The following INSL6 variants were observed in gnomAD, a reference collection of about 807,000 sequenced individuals.
The protein encoded by INSL6 is insulin-like peptide INSL6.
Under a neutral mutation model 9.4 loss-of-function variants are expected in INSL6, and 16 were observed. That is an observed-to-expected ratio of 1.70 (90% CI 1.15 to 2.59). The LOEUF is 2.59. Among genes scored for constraint, INSL6 ranks in the 30% most tolerant of loss-of-function variants. INSL6 has a pLI of 0.00. For synonymous variants in INSL6, 154 were observed against 96.9 expected (o/e 1.59, Z -3.46); for missense variants, 391 against 257.3 (o/e 1.52, Z -3.56).
the INSL6 span, among the ~76,000 whole-genome samples, chr9:5,103,464 T>C: frequency 9.9e-5 from 15 of 151,814 alleles, no homozygotes. Flanking sequence ...TCCCACACAA[T>C]AATAATGGGA....
the INSL6 span, chr9:5,089,948 C>G: frequency 3.3e-6 from 3 of 920,986 alleles, no homozygotes; most frequent in Non-Finnish European, 4.4e-6. Flanking sequence ...TCTTAACGAT[C>G]TGGACTTATG....
chr9:5,042,760 G>A, the INSL6 span, among the ~76,000 whole-genome samples: 1 of 152,214 alleles, frequency 6.6e-6, no homozygotes, highest in Non-Finnish European at 1.5e-5. Context: ...TGCCAGGGGT[G>A]AGGCTGTGCC....
chr9:5,068,876 C>G, the INSL6 span: 1 of 489,014 alleles, frequency 2.0e-6, no homozygotes, highest in Non-Finnish European at 3.6e-6. Flanking sequence ...GAACTAAGTA[C>G]TTCTATCACT....
the INSL6 span, among the ~76,000 whole-genome samples, chr9:5,042,341 G>T: frequency 6.6e-6 from 1 of 151,326 alleles, no homozygotes; most frequent in Non-Finnish European, 1.5e-5. Context: ...GTTTCACCTT[G>T]TTAGCCAGGA....
chr9:5,142,422 C>A (rs1424743477), intron 2 of INSL6, among the ~76,000 whole-genome samples: 2 of 152,048 alleles, frequency 1.3e-5, no homozygotes, highest in African/African-American at 4.8e-5. Flanking sequence ...TTACAGAGAT[C>A]TTTCATTTTC....
At chr9:5,046,173 C>G in the INSL6 span, among the ~76,000 whole-genome samples, 1 of 152,126 alleles carries the variant, frequency 6.6e-6, no homozygotes, top group African/African-American at 2.4e-5. Flanking sequence ...ATCTGTTTAT[C>G]TTCTTTGCAG....
At chr9:5,069,263 C>T in the INSL6 span, 9 of 1,178,012 alleles carry the variant, frequency 7.6e-6, no homozygotes, top group Middle Eastern at 2.2e-4. Context: ...GTTTATGTGG[C>T]GTGAAGTATC....
At chr9:5,072,650 C>A in the INSL6 span, 2 of 1,539,672 alleles carry the variant, frequency 1.3e-6, no homozygotes, top group Non-Finnish European at 1.8e-6. Context: ...TTATATTGTT[C>A]ATGTAGTTTA....
downstream of INSL6, chr9:5,123,178 A>G: frequency 1.7e-6 from 2 of 1,195,228 alleles, no homozygotes. Context: ...ATTTTTATAA[A>G]TTTATGGGGT....
the INSL6 span, chr9:5,098,521 T>C: frequency 2.6e-5 from 4 of 152,142 alleles, no homozygotes; most frequent in African/African-American, 9.7e-5. Context: ...GCCCAAGAAA[T>C]TGAGACTGTT....
chr9:5,122,747 G>C (rs1851027472), downstream of INSL6, among the ~76,000 whole-genome samples: 2 of 151,946 alleles, frequency 1.3e-5, no homozygotes, highest in South Asian at 4.1e-4. Flanking sequence ...GTAGATGTCA[G>C]CATAAACCGT....
the INSL6 span, among the ~76,000 whole-genome samples, chr9:5,116,221 T>C: frequency 6.6e-5 from 10 of 152,200 alleles, no homozygotes; most frequent in Admixed American, 4.6e-4. Flanking sequence ...CAAGGTGGCA[T>C]GACTAGTAAA....
downstream of INSL6, among the ~76,000 whole-genome samples, chr9:5,161,916 A>G (rs923620491): frequency 2.0e-5 from 3 of 151,966 alleles, no homozygotes; most frequent in African/African-American, 7.2e-5. Context: ...CTCTGTCTCT[A>G]CAAAAAAAAT....
chr9:5,092,595 G>A, the INSL6 span, among the ~76,000 whole-genome samples: 9 of 152,096 alleles, frequency 5.9e-5, no homozygotes, highest in East Asian at 1.9e-4. Flanking sequence ...ATACAGTACC[G>A]TAAGGGAAAG....
the INSL6 span, among the ~76,000 whole-genome samples, chr9:5,087,086 A>G: frequency 2.0e-5 from 3 of 152,338 alleles, no homozygotes; most frequent in Admixed American, 6.5e-5. Context: ...TTGGTTTCCA[A>G]CATTGGTTAG....
chr9:5,100,978 G>A, the INSL6 span: 1 of 152,332 alleles, frequency 6.6e-6, no homozygotes, highest in Non-Finnish European at 1.5e-5. Context: ...GCAGAAGATG[G>A]TGATTTCCGC....
the INSL6 span, among the ~76,000 whole-genome samples, chr9:5,027,608 T>G: frequency 1.3e-5 from 2 of 152,352 alleles, no homozygotes; most frequent in Middle Eastern, 6.8e-3. Flanking sequence ...TAGTATGCAA[T>G]GCTATTTGAT....
intron 2 of INSL6, among the ~76,000 whole-genome samples, chr9:5,143,051 T>C (rs951800179): frequency 2.0e-5 from 3 of 152,166 alleles, no homozygotes; most frequent in Non-Finnish European, 4.4e-5. Context: ...GCCTACTCGA[T>C]TGTGATTGAT....
chr9:5,021,718 C>T, the INSL6 span, among the ~76,000 whole-genome samples: 2 of 152,136 alleles, frequency 1.3e-5, no homozygotes, highest in Non-Finnish European at 2.9e-5. Context: ...CTCATCCTCC[C>T]AGGTTCAAGC....
Sources: gnomAD v4.1 joint callset for allele counts (sites outside exome capture counted in the v4.1 genomes callset) on GRCh38, gnomAD v4.1.1 for gene constraint, MANE v1.5 for transcripts, NCBI Gene and HGNC (gene_info 2026-07-23, HGNC 2026-07-21) for gene names.